Variants in CAMK4 observed in about 807,000 individuals in gnomAD.
CAMK4 encodes calcium/calmodulin dependent protein kinase IV.
In CAMK4, 22 loss-of-function variants were observed where a neutral mutation model predicts 44.9. The ratio of observed to expected loss-of-function variants is 0.49; its 90% confidence interval spans 0.35 to 0.70. The LOEUF (loss-of-function observed/expected upper bound fraction) is 0.70. CAMK4 is among the 30% of genes least tolerant of loss of function. The pLI, the probability that CAMK4 is intolerant of heterozygous loss-of-function variation, is 0.01. For missense variants in CAMK4, 498 were observed against 586.8 expected, an observed-to-expected ratio of 0.85 and a Z score of 1.56; for synonymous variants, 218 against 215.4, an observed-to-expected ratio of 1.01 and a Z score of -0.11.
intron 1 of CAMK4, among the ~76,000 whole-genome samples, chr5:111,254,930 C>T (rs1234582710): frequency 6.6e-6 from 1 of 152,012 alleles, no homozygotes; most frequent in Non-Finnish European, 1.5e-5. Flanking sequence ...ATGAGGCCCA[C>T]ATCAGATGCT....
At chr5:111,448,727 C>T (rs1458678996) in intron 6 of CAMK4, among the ~76,000 whole-genome samples, 1 of 152,102 alleles carries the variant, frequency 6.6e-6, no homozygotes, top group Non-Finnish European at 1.5e-5. Flanking sequence ...ATTGCTTGAA[C>T]CCGGGAGGCA....
At chr5:111,228,572 AC>A (rs1466396320) in intron 1 of CAMK4, among the ~76,000 whole-genome samples, 1 of 151,242 alleles carries the variant, frequency 6.6e-6, no homozygotes, top group Non-Finnish European at 1.5e-5. Flanking sequence ...ATTTCATAAA[AC>A]AGTGTTTATT....
intron 4 of CAMK4, among the ~76,000 whole-genome samples, chr5:111,393,299 C>T (rs1466395708): frequency 1.3e-5 from 2 of 152,086 alleles, no homozygotes; most frequent in Non-Finnish European, 2.9e-5. Context: ...GCTAAAAATT[C>T]AACCTGAGTC....
At chr5:111,374,747 G>C in intron 2 of CAMK4, 103 bp from the exon 3 acceptor site, 1 of 724,424 alleles carries the variant, frequency 1.4e-6, no homozygotes, top group Non-Finnish European at 2.5e-6. Flanking sequence ...ATTAGGCTCT[G>C]CGAATTGCCT....
intron 1 of CAMK4, among the ~76,000 whole-genome samples, chr5:111,234,752 G>GA (rs1329993421): frequency 6.6e-6 from 1 of 152,046 alleles, no homozygotes; most frequent in South Asian, 2.1e-4. Context: ...ATATTTCATG[G>GA]AAAAAAATAA....
At chr5:111,455,246 A>G (rs983926620) in intron 7 of CAMK4, among the ~76,000 whole-genome samples, 1 of 152,198 alleles carries the variant, frequency 6.6e-6, no homozygotes, top group Non-Finnish European at 1.5e-5. Context: ...GCAGGTGCCT[A>G]ATTCTACAAA....
At chr5:111,314,151 G>C (rs1289614531) in intron 1 of CAMK4, among the ~76,000 whole-genome samples, 1 of 152,038 alleles carries the variant, frequency 6.6e-6, no homozygotes, top group African/African-American at 2.4e-5. Flanking sequence ...TAATATATAA[G>C]GTATGGCTGG....
intron 1 of CAMK4, among the ~76,000 whole-genome samples, chr5:111,257,995 G>A (rs1453254543): frequency 1.3e-5 from 2 of 152,072 alleles, no homozygotes; most frequent in African/African-American, 4.8e-5. Context: ...CACACACTGG[G>A]GCCTAGCACG....
At chr5:111,375,933 T>C (rs1312865185) in intron 3 of CAMK4, among the ~76,000 whole-genome samples, 1 of 152,074 alleles carries the variant, frequency 6.6e-6, no homozygotes, top group Non-Finnish European at 1.5e-5. Flanking sequence ...GAGTAAAAGC[T>C]TTCTCAGAAA....
At chr5:111,375,866 T>G (rs1048926580) in intron 3 of CAMK4, among the ~76,000 whole-genome samples, 24 of 152,194 alleles carry the variant, frequency 1.6e-4, no homozygotes, top group Admixed American at 1.1e-3. Flanking sequence ...AGTCATCACA[T>G]CTATATTCAA....
chr5:111,325,059 C>G (rs1338481162), intron 1 of CAMK4, among the ~76,000 whole-genome samples: 1 of 151,388 alleles, frequency 6.6e-6, no homozygotes, highest in East Asian at 2.0e-4. Context: ...TCTTTGTGTT[C>G]TCATCGTTCA....
chr5:111,409,618 C>T (rs1222941532), intron 5 of CAMK4, among the ~76,000 whole-genome samples: 7 of 152,202 alleles, frequency 4.6e-5, no homozygotes, highest in Non-Finnish European at 1.0e-4. Flanking sequence ...TTGAATGTCT[C>T]CCCAGAAAAT....
chr5:111,377,077 T>C, intron 4 of CAMK4, 135 bp downstream of exon 4: 1 of 555,036 alleles, frequency 1.8e-6, no homozygotes, highest in Non-Finnish European at 3.2e-6. Flanking sequence ...AAAAAAGTCT[T>C]AAGAAGAATG....
intron 5 of CAMK4, among the ~76,000 whole-genome samples, chr5:111,445,009 T>A (rs909127411): frequency 6.6e-6 from 1 of 152,220 alleles, no homozygotes; most frequent in Non-Finnish European, 1.5e-5. Flanking sequence ...TGAAAATTGA[T>A]GGAGGCTTTT....
chr5:111,481,183 C>A (rs78939791), intron 9 of CAMK4, among the ~76,000 whole-genome samples: 2,542 of 152,060 alleles, frequency 0.017, 76 homozygotes, highest in African/African-American at 0.059. Context: ...TCAATAAATT[C>A]TTTGTATTTT....
chr5:111,352,884 C>T (rs1750173696), intron 2 of CAMK4, among the ~76,000 whole-genome samples: 2 of 151,974 alleles, frequency 1.3e-5, no homozygotes, highest in Non-Finnish European at 2.9e-5. Context: ...CACAGACAAA[C>T]CATACCACTA....
At chr5:111,384,627 A>G (rs1751533531) in intron 4 of CAMK4, among the ~76,000 whole-genome samples, 1 of 152,122 alleles carries the variant, frequency 6.6e-6, no homozygotes, top group Non-Finnish European at 1.5e-5. Context: ...AAACTAATCA[A>G]CATGAATTTC....
intron 5 of CAMK4, among the ~76,000 whole-genome samples, chr5:111,434,229 G>T (rs1431828806): frequency 6.6e-6 from 1 of 150,790 alleles, no homozygotes; most frequent in Non-Finnish European, 1.5e-5. Context: ...GGAGGCGGAG[G>T]TTGCAGTGAG....
intron 1 of CAMK4, among the ~76,000 whole-genome samples, chr5:111,325,379 G>T (rs57131340): frequency 1.3e-5 from 2 of 151,926 alleles, no homozygotes; most frequent in African/African-American, 2.4e-5. Context: ...ATAATACCCC[G>T]TAGTAGGATT....
Sources: gnomAD v4.1 joint callset for allele counts (sites outside exome capture counted in the v4.1 genomes callset) on GRCh38, gnomAD v4.1.1 for gene constraint, MANE v1.5 for transcripts, NCBI Gene and HGNC (gene_info 2026-07-23, HGNC 2026-07-21) for gene names.